The following RYR3 variants were observed in gnomAD, a reference collection of about 807,000 sequenced individuals.
RYR3 encodes brain ryanodine receptor-calcium release channel.
RYR3 carries 207 observed loss-of-function variants against 584.3 expected under a neutral mutation model. That is an observed-to-expected ratio of 0.35 (90% CI 0.32 to 0.40). The LOEUF (loss-of-function observed/expected upper bound fraction) is 0.40. Ranked by LOEUF, RYR3 falls within the 10% of genes least tolerant of loss-of-function variation. The pLI is 1.00. For synonymous variants in RYR3, 2,416 were observed against 2,248.5 expected (o/e 1.07, Z -2.11); for missense variants, 5,616 against 6,089.2 (o/e 0.92, Z 2.59).
At chr15:33,735,121 C>G (rs533897724) in intron 48 of RYR3, among the ~76,000 whole-genome samples, 21 of 152,110 alleles carry the variant, frequency 1.4e-4, no homozygotes, top group Middle Eastern at 3.2e-3. Flanking sequence ...TAGGTTTTTT[C>G]ATTGTTTATT....
rs1193429086 is a variant in RYR3, at chr15:33,539,582, A to G, written c.546+120A>G. 3 of 615,614 alleles carry G rather than the reference A, an allele frequency of 4.9e-6. No individual in the cohort carries two copies. The East Asian group carries it at 8.6e-5, about 18-fold the overall frequency. 38.1% of individuals were successfully genotyped at this position (615,614 alleles called of 1,614,324 possible). A position where few individuals can be genotyped will look rare whatever the true frequency, so the allele number is the denominator to read the frequency against. ...GAATAAGATGCTTTTACATATATAG[A>G]GTTGACCCTTAAACAATGTAGGGGT... is the stretch of plus-strand genomic sequence containing the variant. On this transcript the variant is annotated intron_variant, in intron 6 of 103. Coordinates refer to ENST00000634891, the MANE Select transcript of RYR3 (RefSeq NM_001036.6).
intron 3 of RYR3, among the ~76,000 whole-genome samples, chr15:33,514,168 C>T (rs2053291841): frequency 6.6e-6 from 1 of 152,162 alleles, no homozygotes. Context: ...AGAGGAAAGG[C>T]ACTTGATTTT....
chr15:33,711,807 T>G lies in RYR3; in HGVS notation c.6619+4753T>G, dbSNP rs1270419320. On this transcript the variant is annotated intron_variant, in intron 43 of 103. Coordinates refer to ENST00000634891, the MANE Select transcript of RYR3 (RefSeq NM_001036.6). ...CTGGTCTCCAAGAAGTTCCAAACTT[T>G]CTATCATCTTCTTCTGAGCCCTACA... Among the ~76,000 whole-genome samples the G allele has an allele frequency of 2.6e-5, 4 of 152,214 alleles. No individual in the cohort carries two copies. In the South Asian group the frequency reaches 6.2e-4, roughly 24 times the overall value.
intron 18 of RYR3, among the ~76,000 whole-genome samples, chr15:33,610,567 G>A (rs2060131115): frequency 6.6e-6 from 1 of 152,056 alleles, no homozygotes; most frequent in Non-Finnish European, 1.5e-5. Flanking sequence ...TTAATTAGAG[G>A]GAGCTACCTA....
At chr15:33,629,867 T>C in intron 21 of RYR3, 73 bp from the exon 22 acceptor site, 2 of 775,662 alleles carry the variant, frequency 2.6e-6, no homozygotes, top group Non-Finnish European at 4.3e-6. Flanking sequence ...TCAAAGTATG[T>C]TCTGTTCTGT....
In RYR3 at chr15:33,838,382, G is replaced by A. The variant is rs186084318; in HGVS notation, c.12402G>A (p.Gly4134=). ...LEIAGEEEED[G]SLEPASAFAM... is the part of the protein sequence containing the mutation. ...TTGCGGGTGAAGAGGAAGAAGACGG[G>A]TCTCTTGAGCCGGCCTCTGCATTTG... Residue 4134 remains glycine (G), a synonymous_variant, in exon 89 of 104, where the codon GGG becomes GGA. Transcript: ENST00000634891. 3.4e-5 allele frequency: 55 copies of A among 1,613,986 alleles called. No homozygotes were observed. In the African/African-American group the frequency reaches 6.9e-4, roughly 20 times the overall value.
chr15:33,620,753 G>A (rs1476388666), intron 19 of RYR3, among the ~76,000 whole-genome samples: 2 of 152,174 alleles, frequency 1.3e-5, no homozygotes, highest in African/African-American at 2.4e-5. Flanking sequence ...CGCTTCTCAC[G>A]GACTCTGGGT....
chr15:33,585,969 C>T (rs1165103779), intron 15 of RYR3, 29 bp from the exon 16 acceptor site: 1 of 1,420,132 alleles, frequency 7.0e-7, no homozygotes, highest in African/African-American at 1.4e-5. Context: ...ATTTAATGTC[C>T]AAATTTGATG....
At chr15:33,313,678 A>C (rs1464578793) in intron 1 of RYR3, among the ~76,000 whole-genome samples, 1 of 152,202 alleles carries the variant, frequency 6.6e-6, no homozygotes, top group Admixed American at 6.5e-5. Context: ...GCAGTGTATT[A>C]GTCATATATA....
At chr15:33,818,528 G>C (rs1785290028) in intron 75 of RYR3, 50 bp from the exon 76 acceptor site, 1 of 1,386,456 alleles carries the variant, frequency 7.2e-7, no homozygotes, top group South Asian at 1.2e-5. Context: ...CCAGTCACGT[G>C]GCACGAGATT....
chr15:33,620,260 A>G (rs1017541686), intron 19 of RYR3, among the ~76,000 whole-genome samples: 8 of 151,556 alleles, frequency 5.3e-5, no homozygotes, highest in Non-Finnish European at 1.0e-4. Context: ...CCCTCAGTAA[A>G]CTCCAGAGGA....
Position 33,586,122 on chromosome 15 carries a change from T to C in RYR3, c.1788+6T>C. On this transcript the variant is annotated splice_donor_region_variant and intron_variant, in intron 16 of 103. Transcript: ENST00000634891. ...AGCACGGGCGGAATCACAAGGTAGG[T>C]GTGGAAAGAACGGTGATTGACTTTG... is the stretch of plus-strand genomic sequence containing the variant. 3.9e-6 allele frequency: 6 copies of C among 1,554,588 alleles called. No individual in the cohort carries two copies. The highest frequency in any genetic ancestry group is 1.1e-5 in the South Asian group (1 of 89,940).
chr15:33,425,637 A>ATTTTTTTTTTTTTTTTTTTTTTT (rs68182512), intron 1 of RYR3, among the ~76,000 whole-genome samples: 2 of 121,804 alleles, frequency 1.6e-5, no homozygotes. Flanking sequence ...GAGACTCACA[A>ATTTTTTTTTTTTTTTTTTTTTTT]TTTTTTTTTT....
chr15:33,377,924 G>C (rs568039762), intron 1 of RYR3, among the ~76,000 whole-genome samples: 2 of 152,154 alleles, frequency 1.3e-5, no homozygotes, highest in South Asian at 4.2e-4. Flanking sequence ...GGGACTACAG[G>C]TGCACACAAC....
rs536813805 is a variant in RYR3, at chr15:33,655,652, C to A, written c.4308+2769C>A. Among the ~76,000 whole-genome samples the A allele has an allele frequency of 4.6e-5, 7 of 152,248 alleles. No homozygotes were observed. In the South Asian group the frequency reaches 1.2e-3, roughly 27 times the overall value. On this transcript the variant is annotated intron_variant, in intron 32 of 103. Coordinates refer to ENST00000634891, the MANE Select transcript of RYR3 (RefSeq NM_001036.6). Reference sequence around the variant, plus strand: ...GCATAGAAATCCTGATGACCCTGCTCAGCGATCCCAGTCCTGACTCTTGCC... The same window carrying A: ...GCATAGAAATCCTGATGACCCTGCTAAGCGATCCCAGTCCTGACTCTTGCC...
At chr15:33,619,857 A>T (rs1347202447) in intron 19 of RYR3, among the ~76,000 whole-genome samples, 5 of 152,158 alleles carry the variant, frequency 3.3e-5, no homozygotes, top group African/African-American at 1.2e-4. Context: ...ATTGTCAGGT[A>T]GCATTGAGTC....
intron 23 of RYR3, among the ~76,000 whole-genome samples, 174 bp downstream of exon 23, chr15:33,631,467 A>C (rs552187368): frequency 1.8e-4 from 28 of 152,278 alleles, no homozygotes; most frequent in African/African-American, 6.3e-4. Context: ...CTGGTGAAGA[A>C]GTATTTCAGG....
intron 1 of RYR3, among the ~76,000 whole-genome samples, chr15:33,456,844 A>G (rs544472489): frequency 6.6e-6 from 1 of 152,312 alleles, no homozygotes; most frequent in East Asian, 1.9e-4. Flanking sequence ...GGGCCATTCT[A>G]TATCATTAAT....
intron 19 of RYR3, among the ~76,000 whole-genome samples, 190 bp downstream of exon 19, chr15:33,613,565 A>G (rs1001430946): frequency 2.6e-5 from 4 of 152,242 alleles, no homozygotes; most frequent in African/African-American, 9.6e-5. Flanking sequence ...AACCTCCCCC[A>G]GGGGTTGTAT....
Sources: allele counts gnomAD v4.1 joint callset (sites outside exome capture counted in the v4.1 genomes callset), GRCh38; gene constraint gnomAD v4.1.1; transcripts MANE v1.5; gene names NCBI Gene and HGNC (gene_info 2026-07-23, HGNC 2026-07-21).